CPLANE1: variants seen among roughly 807,000 people sequenced by gnomAD.
CPLANE1 encodes ciliogenesis and planar polarity effector 1.
In CPLANE1, 263 loss-of-function variants were observed where a neutral mutation model predicts 362.5. That is an observed-to-expected ratio of 0.73 (90% CI 0.66 to 0.80). CPLANE1 has a LOEUF of 0.80. Ranked by LOEUF, CPLANE1 falls within the 30% of genes least tolerant of loss-of-function variation. The pLI is 0.00. For missense variants in CPLANE1, 3,461 were observed against 3,793.4 expected (o/e 0.91, Z 2.30); for synonymous variants, 1,212 against 1,302.6 (o/e 0.93, Z 1.50).
chr5:37,195,024 G>A lies in CPLANE1; in HGVS notation c.3811+834C>T, dbSNP rs1561562568. 3.3e-5 allele frequency among the ~76,000 whole-genome samples: 5 copies of A among 151,902 alleles called. 1 individual carries two copies. The highest frequency in any genetic ancestry group is 4.2e-4 in the South Asian group (2 of 4,790). On this transcript the variant is annotated intron_variant, in intron 21 of 52. Coordinates refer to ENST00000651892, the MANE Select transcript of CPLANE1 (RefSeq NM_001384732.1). ...AAAAAAATTAGCCGGGCACGGTGGC[G>A]GGTGCCTGTAGTCCCAGCTACTTGG...
rs1776132999 is a variant in CPLANE1 at position 37,159,175 on chromosome 5, A to G, written c.7691-830T>C. 2.3e-5 allele frequency among the ~76,000 whole-genome samples: 3 copies of G among 131,910 alleles called. No individual in the cohort carries two copies. In the South Asian group the frequency reaches 7.0e-4, roughly 31 times the overall value. 86.5% of individuals were successfully genotyped at this position (131,910 alleles called of 152,430 possible). ...GCCGGACTGCGGACTGCAGTGGCGC[A>G]ATCTCGGCTCACTGCAAGCTCCGCT... On this transcript the variant is annotated intron_variant, in intron 38 of 52. Coordinates refer to ENST00000651892, the MANE Select transcript of CPLANE1 (RefSeq NM_001384732.1).
At chr5:37,108,502 G>T in intron 51 of CPLANE1, 31 bp from the exon 52 acceptor site, 1 of 1,559,576 alleles carries the variant, frequency 6.4e-7, no homozygotes, top group South Asian at 1.2e-5. Context: ...AGCACACATT[G>T]GGATTGATTC....
intron 8 of CPLANE1, 67 bp from the exon 9 acceptor site, chr5:37,231,116 G>C: frequency 8.3e-7 from 1 of 1,205,248 alleles, no homozygotes; most frequent in South Asian, 2.4e-5. Flanking sequence ...ATTTAAAATG[G>C]GCTGTACCAA....
chr5:37,204,493 C>A (rs1790114380), intron 18 of CPLANE1, among the ~76,000 whole-genome samples: 1 of 151,900 alleles, frequency 6.6e-6, no homozygotes, highest in African/African-American at 2.4e-5. Context: ...TTTTTTAATA[C>A]CATTTTGAAC....
chr5:37,113,796 A>G (rs534480426), intron 51 of CPLANE1, among the ~76,000 whole-genome samples: 6 of 152,244 alleles, frequency 3.9e-5, no homozygotes, highest in African/African-American at 1.4e-4. Context: ...CACAGTACAT[A>G]TAAACTAGTG....
At chr5:37,086,275 C>G in the CPLANE1 span, among the ~76,000 whole-genome samples, 1 of 152,124 alleles carries the variant, frequency 6.6e-6, no homozygotes, top group Non-Finnish European at 1.5e-5. Flanking sequence ...GGAACTTTCT[C>G]CAAGATAGAC....
the CPLANE1 span, among the ~76,000 whole-genome samples, chr5:37,076,349 A>G: frequency 1.3e-5 from 2 of 152,052 alleles, no homozygotes; most frequent in South Asian, 2.1e-4. Flanking sequence ...TTTTTGAGAC[A>G]AGGTCTCACT....
the CPLANE1 span, among the ~76,000 whole-genome samples, chr5:37,077,196 T>C: frequency 1.3e-5 from 2 of 152,098 alleles, no homozygotes; most frequent in African/African-American, 4.8e-5. Context: ...TTTGCAGAGA[T>C]GAAGAGTTGC....
intron 7 of CPLANE1, 47 bp from the exon 8 acceptor site, chr5:37,239,007 G>C: frequency 1.1e-6 from 1 of 929,250 alleles, no homozygotes; most frequent in Non-Finnish European, 1.6e-6. Flanking sequence ...TTATTTTACT[G>C]TAACCATTAT....
intron 16 of CPLANE1, among the ~76,000 whole-genome samples, chr5:37,213,310 A>G (rs1580788421): frequency 6.6e-6 from 1 of 152,330 alleles, no homozygotes; most frequent in East Asian, 1.9e-4. Context: ...ATTAAAATTT[A>G]AAACTAAAAA....
intron 6 of CPLANE1, among the ~76,000 whole-genome samples, chr5:37,242,805 C>CTG (rs1800854229): frequency 7.0e-6 from 1 of 142,888 alleles, no homozygotes; most frequent in Admixed American, 7.0e-5. Context: ...GGCAGGAGGA[C>CTG]TGCTTGAGCC....
intron 31 of CPLANE1, 135 bp downstream of exon 31, chr5:37,175,774 A>G (rs1780995174): frequency 4.6e-6 from 3 of 648,406 alleles, no homozygotes; most frequent in Admixed American, 5.3e-5. Flanking sequence ...TCAATGTTTT[A>G]TGTTGCTTTC....
intron 41 of CPLANE1, among the ~76,000 whole-genome samples, chr5:37,155,511 A>C (rs1774831127): frequency 1.3e-5 from 2 of 152,102 alleles, no homozygotes; most frequent in Admixed American, 1.3e-4. Flanking sequence ...AGTAGCTGGG[A>C]CTACAGGTGT....
In CPLANE1 at chr5:37,180,000, T is replaced by C; in HGVS notation, c.5737+17A>G. ...AATTAATAAAGCCAAAAAAATAGAT[T>C]ATCTAAATGAACTGACCTTCATAGT... On this transcript the variant is annotated intron_variant, in intron 28 of 52. Coordinates refer to ENST00000651892, the MANE Select transcript of CPLANE1 (RefSeq NM_001384732.1). 1 of 1,504,542 alleles carries C rather than the reference T, an allele frequency of 6.6e-7. No homozygotes were observed. Among genetic ancestry groups the C allele is most frequent in the Non-Finnish European group, 8.9e-7 (1 of 1,128,008 alleles). The allele number at this position is 1,504,542 out of a possible 1,614,324, so 93.2% of individuals were successfully genotyped here.
chr5:37,119,832 A>G (rs1579866109), intron 50 of CPLANE1, among the ~76,000 whole-genome samples: 1 of 148,998 alleles, frequency 6.7e-6, no homozygotes. Context: ...AAAAAAATAC[A>G]AAAAATTAGC....
chr5:37,112,668 G>A (rs1759697387), intron 51 of CPLANE1, among the ~76,000 whole-genome samples: 1 of 152,210 alleles, frequency 6.6e-6, no homozygotes, highest in Non-Finnish European at 1.5e-5. Flanking sequence ...TCTGAAACTG[G>A]ATGATAAAAC....
intron 31 of CPLANE1, 141 bp downstream of exon 31, chr5:37,175,768 T>G: frequency 1.6e-6 from 1 of 620,422 alleles, no homozygotes; most frequent in Non-Finnish European, 2.8e-6. Flanking sequence ...GCTCTTTCAA[T>G]GTTTTATGTT....
intron 9 of CPLANE1, among the ~76,000 whole-genome samples, chr5:37,228,855 G>T (rs1797030686): frequency 6.6e-6 from 1 of 152,078 alleles, no homozygotes; most frequent in Non-Finnish European, 1.5e-5. Flanking sequence ...AATTTTAAAG[G>T]AGAATATGAG....
intron 4 of CPLANE1, 39 bp from the exon 5 acceptor site, chr5:37,244,646 T>C (rs1452900354): frequency 1.7e-6 from 2 of 1,155,214 alleles, no homozygotes; most frequent in Non-Finnish European, 2.5e-6. Flanking sequence ...GCCTCTGAAG[T>C]CTGAATTCCC....
Sources: gnomAD v4.1 joint callset for allele counts (sites outside exome capture counted in the v4.1 genomes callset) on GRCh38, gnomAD v4.1.1 for gene constraint, MANE v1.5 for transcripts, NCBI Gene and HGNC (gene_info 2026-07-23, HGNC 2026-07-21) for gene names.